PTPRD: variants seen among roughly 807,000 people sequenced by gnomAD.
PTPRD encodes receptor-type tyrosine-protein phosphatase delta.
A neutral mutation model predicts 214.5 loss-of-function variants in PTPRD; 34 were observed. That is an observed-to-expected ratio of 0.16 (90% CI 0.12 to 0.21). The LOEUF (loss-of-function observed/expected upper bound fraction) is 0.21, where lower values mean the gene tolerates loss of function less well. PTPRD is among the 10% of genes least tolerant of loss of function. The probability of loss-of-function intolerance (pLI) is 1.00; values close to 1 mark genes in which losing one functional copy is unlikely to be tolerated. For missense variants in PTPRD, 2,545 were observed against 2,398.7 expected, an observed-to-expected ratio of 1.06 and a Z score of -1.27; for synonymous variants, 1,128 against 845.7, an observed-to-expected ratio of 1.33 and a Z score of -5.79.
chr9:8,989,075 G>A (rs369411094), intron 11 of PTPRD, among the ~76,000 whole-genome samples: 191 of 151,978 alleles, frequency 1.3e-3, no homozygotes, highest in African/African-American at 4.5e-3. Flanking sequence ...CTATGTCTCA[G>A]TTTTTTTATT....
intron 14 of PTPRD, among the ~76,000 whole-genome samples, chr9:8,529,012 A>C (rs1183141811): frequency 1.3e-5 from 2 of 152,124 alleles, no homozygotes; most frequent in Non-Finnish European, 2.9e-5. Flanking sequence ...GACTATGATG[A>C]GGGGATGCAG....
intron 25 of PTPRD, 82 bp from the exon 26 acceptor site, chr9:8,497,350 T>C (rs1192008591): frequency 1.7e-6 from 2 of 1,199,946 alleles, no homozygotes; most frequent in Non-Finnish European, 2.3e-6. Flanking sequence ...GTGTTGCCCT[T>C]GTTAGATTAA....
At chr9:9,135,835 G>GA (rs932182209) in intron 10 of PTPRD, among the ~76,000 whole-genome samples, 3 of 151,172 alleles carry the variant, frequency 2.0e-5, no homozygotes, top group South Asian at 2.1e-4. Context: ...TATTCAGCTT[G>GA]AAAAAAACCC....
At chr9:9,245,219 A>G (rs1208885363) in intron 9 of PTPRD, among the ~76,000 whole-genome samples, 1 of 152,150 alleles carries the variant, frequency 6.6e-6, no homozygotes, top group Non-Finnish European at 1.5e-5. Context: ...TATTGTGGAA[A>G]ACAGTATGGC....
chr9:8,873,694 T>C (rs186740980), intron 11 of PTPRD, among the ~76,000 whole-genome samples: 1 of 152,208 alleles, frequency 6.6e-6, no homozygotes, highest in Admixed American at 6.5e-5. Flanking sequence ...AGAGAGTTTC[T>C]TTATTATGTA....
intron 2 of PTPRD, among the ~76,000 whole-genome samples, chr9:10,530,500 G>T (rs979450392): frequency 3.9e-5 from 6 of 152,044 alleles, no homozygotes; most frequent in Admixed American, 3.3e-4. Context: ...ACCACGTTTT[G>T]AATGCTAAGT....
chr9:10,423,247 T>C (rs1022245264), intron 2 of PTPRD, among the ~76,000 whole-genome samples: 3 of 151,922 alleles, frequency 2.0e-5, no homozygotes, highest in African/African-American at 7.2e-5. Flanking sequence ...TAGGTGGGAA[T>C]TGAACAATGA....
At chr9:8,889,727 C>G (rs62529066) in intron 11 of PTPRD, among the ~76,000 whole-genome samples, 1 of 150,852 alleles carries the variant, frequency 6.6e-6, no homozygotes, top group African/African-American at 2.4e-5. Flanking sequence ...GTTTCCCATT[C>G]CTGAGTTACT....
intron 9 of PTPRD, among the ~76,000 whole-genome samples, chr9:9,371,825 T>C (rs7872999): frequency 0.18 from 27,469 of 152,072 alleles, 2,742 homozygotes; most frequent in East Asian, 0.34. Context: ...TTTGTTCTCG[T>C]TTGTTTCAAA....
chr9:8,919,917 G>GATGCATGTGCATGCATGT (rs1567001069), intron 11 of PTPRD, among the ~76,000 whole-genome samples: 4 of 122,884 alleles, frequency 3.3e-5, no homozygotes, highest in Admixed American at 1.7e-4. Context: ...TGCATAAGTG[G>GATGCATGTGCATGCATGT]ATGCATGTGC....
At chr9:9,542,627 A>G (rs1337219736) in intron 8 of PTPRD, among the ~76,000 whole-genome samples, 2 of 151,798 alleles carry the variant, frequency 1.3e-5, no homozygotes, top group East Asian at 3.9e-4. Context: ...ATATAAACAC[A>G]AATGACCCAA....
intron 9 of PTPRD, among the ~76,000 whole-genome samples, chr9:9,268,228 T>C (rs772801012): frequency 6.6e-6 from 1 of 151,056 alleles, no homozygotes; most frequent in African/African-American, 2.4e-5. Context: ...GAATGAACTC[T>C]TAAGAAAAGA....
At chr9:8,925,926 C>T (rs1196839717) in intron 11 of PTPRD, among the ~76,000 whole-genome samples, 2 of 140,688 alleles carry the variant, frequency 1.4e-5, no homozygotes, top group East Asian at 4.2e-4. Flanking sequence ...GTACATTTTC[C>T]ATTCTATTGA....
rs567797794 is a variant in PTPRD at position 9,041,740 on chromosome 9, C to T, written c.-142-23005G>A. The stretch of plus-strand genomic sequence containing the variant: ...AAGGCATCTCTAAAACCACCTAACT[C>T]AACCCATGATCCAAATGGAGTACAT... On this transcript the variant is annotated intron_variant, in intron 10 of 45. Transcript: ENST00000381196. Among the ~76,000 whole-genome samples the T allele has an allele frequency of 3.9e-5, 6 of 152,312 alleles. No individual in the cohort carries two copies. The East Asian group carries it at 1.2e-3, about 29-fold the overall frequency.
At chr9:9,058,514 T>C (rs1298944552) in intron 10 of PTPRD, among the ~76,000 whole-genome samples, 1 of 132,486 alleles carries the variant, frequency 7.5e-6, no homozygotes, top group Admixed American at 9.3e-5. Flanking sequence ...AGAGGCGCGA[T>C]CTCGGCTCAC....
intron 12 of PTPRD, among the ~76,000 whole-genome samples, chr9:8,670,225 T>A (rs959557125): frequency 6.6e-6 from 1 of 152,162 alleles, no homozygotes; most frequent in Non-Finnish European, 1.5e-5. Flanking sequence ...ACTTTAGGCA[T>A]TATGTGGTAC....
intron 2 of PTPRD, among the ~76,000 whole-genome samples, chr9:10,383,286 T>C (rs1362725015): frequency 2.6e-5 from 4 of 151,976 alleles, no homozygotes; most frequent in African/African-American, 9.6e-5. Flanking sequence ...AGGACCACTA[T>C]ACTCTTTAAT....
chr9:8,755,716 G>C (rs527451577), intron 11 of PTPRD, among the ~76,000 whole-genome samples: 3 of 152,106 alleles, frequency 2.0e-5, no homozygotes, highest in Non-Finnish European at 4.4e-5. Context: ...GTTTGTCTTA[G>C]TTACCTTCTA....
intron 35 of PTPRD, among the ~76,000 whole-genome samples, chr9:8,433,249 T>C (rs1438126886): frequency 6.6e-6 from 1 of 152,222 alleles, no homozygotes; most frequent in Non-Finnish European, 1.5e-5. Flanking sequence ...GCAGAGATGT[T>C]GGTGTAATTA....
Sources: allele counts gnomAD v4.1 joint callset (sites outside exome capture counted in the v4.1 genomes callset), GRCh38; gene constraint gnomAD v4.1.1; transcripts MANE v1.5; gene names NCBI Gene and HGNC (gene_info 2026-07-23, HGNC 2026-07-21).